UPF2: variants seen among roughly 807,000 people sequenced by gnomAD.
UPF2 encodes UPF2 regulator of nonsense mediated mRNA decay.
A neutral mutation model predicts 141.4 loss-of-function variants in UPF2; 17 were observed. The ratio of observed to expected loss-of-function variants is 0.12; its 90% CI spans 0.08 to 0.18. The LOEUF (loss-of-function observed/expected upper bound fraction) is 0.18. Among genes scored for constraint, UPF2 ranks in the 10% least tolerant of loss-of-function variants. The pLI, the probability that UPF2 is intolerant of heterozygous loss-of-function variation, is 1.00. For synonymous variants in UPF2, 540 were observed against 498.0 expected, an observed-to-expected ratio of 1.08 and a Z score of -1.12; for missense variants, 1,152 against 1,515.9, an observed-to-expected ratio of 0.76 and a Z score of 3.99.
At chr10:11,949,464 A>G (rs4750146) in intron 15 of UPF2, among the ~76,000 whole-genome samples, 34,210 of 152,154 alleles carry the variant, frequency 0.22, 4,133 homozygotes, top group East Asian at 0.46. Context: ...ATTTGCTCCT[A>G]AAGCATGTGG....
chr10:11,925,294 T>C (rs1401666713), intron 21 of UPF2, among the ~76,000 whole-genome samples: 1 of 152,184 alleles, frequency 6.6e-6, no homozygotes, highest in African/African-American at 2.4e-5. Flanking sequence ...GATGGACAAG[T>C]TAGGTTTTCT....
At chr10:12,011,431 C>G (rs1036492103) in intron 4 of UPF2, among the ~76,000 whole-genome samples, 4 of 151,858 alleles carry the variant, frequency 2.6e-5, no homozygotes, top group Non-Finnish European at 4.4e-5. Flanking sequence ...AACCCCATCT[C>G]TACTAAAAAT....
At chr10:11,960,110 G>C (rs1378987064) in intron 11 of UPF2, among the ~76,000 whole-genome samples, 1 of 152,156 alleles carries the variant, frequency 6.6e-6, no homozygotes, top group Non-Finnish European at 1.5e-5. Context: ...TCTGTGCCTT[G>C]TGGAATGTTT....
intron 6 of UPF2, 93 bp from the exon 7 acceptor site, chr10:12,000,102 T>A: frequency 2.8e-6 from 3 of 1,078,672 alleles, no homozygotes; most frequent in Non-Finnish European, 4.0e-6. Flanking sequence ...ATAGATAATC[T>A]AGACCAATTT....
At chr10:11,922,612 C>T (rs1832659717) in intron 21 of UPF2, among the ~76,000 whole-genome samples, 1 of 152,130 alleles carries the variant, frequency 6.6e-6, no homozygotes, top group African/African-American at 2.4e-5. Context: ...TGTAAGGTGT[C>T]ATTTGACTGG....
chr10:11,920,999 C>A lies in UPF2; in HGVS notation c.*299G>T, dbSNP rs1564331272. 3.1e-6 allele frequency: 2 copies of A among 640,140 alleles called. No individual in the cohort carries two copies. Among genetic ancestry groups the A allele is most frequent in the East Asian group, 7.1e-5 (2 of 28,292 alleles). The allele number at this position is 640,140 out of a possible 1,614,324, so 39.7% of individuals were successfully genotyped here. A position where few individuals can be genotyped will look rare whatever the true frequency, so the allele number is the denominator to read the frequency against. ...CTCCTTCACGCTCTCCTTGGTGTAACTGCTCAGTAGTCAAGTGAACCATCT... is the reference window on the plus strand; with the variant it reads ...CTCCTTCACGCTCTCCTTGGTGTAAATGCTCAGTAGTCAAGTGAACCATCT... On this transcript the variant is annotated 3_prime_UTR_variant, in exon 22 of 22. Coordinates refer to ENST00000357604, the MANE Select transcript of UPF2 (RefSeq NM_015542.4).
chr10:11,933,480 A>G (rs1247478189), intron 19 of UPF2, among the ~76,000 whole-genome samples: 1 of 152,202 alleles, frequency 6.6e-6, no homozygotes, highest in Admixed American at 6.5e-5. Flanking sequence ...GTAATAATAT[A>G]TCCTTAAAAA....
chr10:11,931,799 A>C lies in UPF2; in HGVS notation c.3547-17T>G. 6.3e-7 allele frequency: 1 copy of C among 1,585,008 alleles called. No homozygotes were observed. Among genetic ancestry groups the C allele is most frequent in the Non-Finnish European group, 8.5e-7 (1 of 1,172,726 alleles). On this transcript the variant is annotated splice_polypyrimidine_tract_variant and intron_variant, in intron 19 of 21. Coordinates refer to ENST00000357604, the MANE Select transcript of UPF2 (RefSeq NM_015542.4). The surrounding 1 kb of genome is among the most constrained non-coding windows in gnomAD (Gnocchi z 5.9). ...GATCTTAAACTGGGAGAAAATAACA[A>C]AGGAGTTACAAATAGTTTGAGAACA... is the stretch of plus-strand genomic sequence containing the variant.
chr10:11,925,299 T>C (rs150554813), intron 21 of UPF2, among the ~76,000 whole-genome samples: 10 of 152,184 alleles, frequency 6.6e-5, no homozygotes, highest in African/African-American at 2.4e-4. Flanking sequence ...ACAAGTTAGG[T>C]TTTCTTTTTT....
At chr10:11,933,806 G>A (rs886446856) in intron 19 of UPF2, among the ~76,000 whole-genome samples, 2 of 152,136 alleles carry the variant, frequency 1.3e-5, no homozygotes, top group Non-Finnish European at 2.9e-5. Flanking sequence ...TTCATGAAAG[G>A]GAGGAAGGAA....
chr10:12,003,657 G>C (rs775746551), intron 5 of UPF2, among the ~76,000 whole-genome samples: 1 of 152,168 alleles, frequency 6.6e-6, no homozygotes, highest in Non-Finnish European at 1.5e-5. Context: ...TGAGCGCGGT[G>C]GCTCACGCCT....
Position 11,956,203 on chromosome 10 carries a change from A to T in UPF2, c.2574+117T>A. 1.0e-6 allele frequency: 1 copy of T among 966,552 alleles called. No homozygotes were observed. The allele number at this position is 966,552 out of a possible 1,614,324, so 59.9% of individuals were successfully genotyped here. A position where few individuals can be genotyped will look rare whatever the true frequency, so the allele number is the denominator to read the frequency against. ...AGGAAATTCTTATAAAATGATTATC[A>T]GCTTTTTCTAACTAATAAATTTACA... On this transcript the variant is annotated intron_variant, in intron 13 of 21. Coordinates refer to ENST00000357604, the MANE Select transcript of UPF2 (RefSeq NM_015542.4). The surrounding 1 kb of genome is among the most constrained non-coding windows in gnomAD (Gnocchi z 4.2).
At chr10:11,929,801 C>T in intron 21 of UPF2, 64 bp downstream of exon 21, 1 of 1,555,130 alleles carries the variant, frequency 6.4e-7, no homozygotes, top group South Asian at 1.2e-5. Flanking sequence ...TCCAGAATTC[C>T]CTAATTTATT....
chr10:12,037,488 C>T (rs923080597), intron 1 of UPF2, among the ~76,000 whole-genome samples: 9 of 151,102 alleles, frequency 6.0e-5, no homozygotes, highest in East Asian at 3.9e-4. Context: ...CTCCACCTTC[C>T]GGGTTTAAGT....
chr10:11,960,147 A>G lies in UPF2; in HGVS notation c.2185-791T>C, dbSNP rs79987950. Among the ~76,000 whole-genome samples, 784 of 152,356 alleles carry G rather than the reference A, an allele frequency of 5.1e-3. 10 individuals are homozygous for G. The highest frequency in any genetic ancestry group is 0.018 in the African/African-American group (744 of 41,584). ...ACAGCCACTCTGGCCTCTACCCACT[A>G]GATGCCAGTGGAGAACCACTGACAA... On this transcript the variant is annotated intron_variant, in intron 11 of 21. Coordinates refer to ENST00000357604, the MANE Select transcript of UPF2 (RefSeq NM_015542.4).
intron 4 of UPF2, among the ~76,000 whole-genome samples, chr10:12,011,164 A>T (rs1025019461): frequency 1.4e-4 from 21 of 152,148 alleles, no homozygotes; most frequent in Non-Finnish European, 2.9e-4. Flanking sequence ...TTTATTTTTT[A>T]AAATTTTTTG....
intron 4 of UPF2, among the ~76,000 whole-genome samples, chr10:12,013,279 T>C (rs2131284317): frequency 6.9e-6 from 1 of 144,156 alleles, no homozygotes; most frequent in African/African-American, 2.5e-5. Flanking sequence ...CCCCTAAAAT[T>C]TTTTTTTTTT....
At chr10:11,941,252 G>A (rs1023044941) in intron 18 of UPF2, among the ~76,000 whole-genome samples, 5 of 152,196 alleles carry the variant, frequency 3.3e-5, no homozygotes, top group Admixed American at 2.6e-4. Context: ...ATTTATATAA[G>A]ATGGGAAGTT....
chr10:11,973,858 G>C (rs983616227), intron 9 of UPF2, among the ~76,000 whole-genome samples: 3 of 152,094 alleles, frequency 2.0e-5, no homozygotes, highest in Non-Finnish European at 2.9e-5. Context: ...GGATTGTCTT[G>C]GCAATGCGGG....
Sources: gnomAD v4.1 joint callset for allele counts (sites outside exome capture counted in the v4.1 genomes callset) on GRCh38, gnomAD v4.1.1 for gene constraint, Gnocchi (gnomAD v3.1) non-coding constraint, MANE v1.5 for transcripts, NCBI Gene and HGNC (gene_info 2026-07-23, HGNC 2026-07-21) for gene names.